SWI5: variants seen among roughly 807,000 people sequenced by gnomAD.
SWI5 encodes the protein SWI5 homologous recombination repair protein.
A neutral mutation model predicts 17.0 loss-of-function variants in SWI5; 12 were observed. The ratio of observed to expected loss-of-function variants is 0.71; its 90% CI spans 0.45 to 1.14. The LOEUF is 1.14. Ranked by LOEUF, SWI5 falls within the 50% of genes most tolerant of loss-of-function variation. SWI5 has a pLI of 0.00. For missense variants in SWI5, 158 were observed against 162.2 expected, an observed-to-expected ratio of 0.97 and a Z score of 0.14; for synonymous variants, 61 against 64.0, an observed-to-expected ratio of 0.95 and a Z score of 0.22.
intron 4 of SWI5, among the ~76,000 whole-genome samples, chr9:128,287,675 C>A (rs891582275): frequency 1.3e-5 from 2 of 149,772 alleles, no homozygotes; most frequent in African/African-American, 4.9e-5. Flanking sequence ...GATTCTAGTG[C>A]CTCAGCCTCC....
upstream of SWI5, chr9:128,276,156 G>T: frequency 2.6e-6 from 4 of 1,568,422 alleles, no homozygotes; most frequent in South Asian, 2.3e-5. Context: ...ATGCAGCGGC[G>T]TGGCCAGAGG....
rs1266844249 is a variant in SWI5, at chr9:128,277,995, C to G, written c.111+1240C>G. 2.7e-5 allele frequency among the ~76,000 whole-genome samples: 4 copies of G among 145,830 alleles called. No homozygotes were observed. In the South Asian group the frequency reaches 6.5e-4, roughly 24 times the overall value. On this transcript the variant is annotated intron_variant, in intron 2 of 4. Coordinates refer to ENST00000418976, the Ensembl canonical transcript of SWI5. ...TGAGACACAGTCGCACTCTGTCGCC[C>G]GGGCTGGAGTGCAATGGTGCGATCT...
chr9:128,278,290 C>G (rs777403174), intron 2 of SWI5, among the ~76,000 whole-genome samples: 1 of 151,942 alleles, frequency 6.6e-6, no homozygotes, highest in Non-Finnish European at 1.5e-5. Flanking sequence ...AACGCTCGAC[C>G]CGGCACAGTG....
At chr9:128,286,213 G>C in intron 4 of SWI5, 180 bp downstream of exon 4, 1 of 573,012 alleles carries the variant, frequency 1.7e-6, no homozygotes, top group Non-Finnish European at 3.1e-6. Flanking sequence ...TGGCCACCTA[G>C]GTTTGTTCCT....
intron 2 of SWI5, among the ~76,000 whole-genome samples, chr9:128,279,675 ACCATTGAAGCACAGCC>A (rs1831502593): frequency 6.6e-6 from 1 of 152,220 alleles, no homozygotes; most frequent in African/African-American, 2.4e-5. Flanking sequence ...AAGGAGCGTG[ACCATTGAAGCACAGCC>A]CCACAGGGAG....
chr9:128,280,704 A>C (rs1364524038), intron 2 of SWI5, among the ~76,000 whole-genome samples: 2 of 152,032 alleles, frequency 1.3e-5, no homozygotes, highest in African/African-American at 4.8e-5. Context: ...TTTTTAGTAG[A>C]GACGGGGTTT....
exon 1 of SWI5, chr9:128,276,297 T>C (rs569075444): frequency 6.2e-7 from 1 of 1,612,444 alleles, no homozygotes; most frequent in East Asian, 2.2e-5. Flanking sequence ...CGGGTCAGAG[T>C]TCCTGGCCCG....
chr9:128,275,662 G>T (rs560396838), upstream of SWI5, among the ~76,000 whole-genome samples: 3 of 152,242 alleles, frequency 2.0e-5, no homozygotes, highest in South Asian at 6.2e-4. Context: ...AGTCTGGAGC[G>T]GGGAGCCCCG....
At chr9:128,279,770 A>G (rs904834523) in intron 2 of SWI5, among the ~76,000 whole-genome samples, 4 of 152,128 alleles carry the variant, frequency 2.6e-5, no homozygotes, top group African/African-American at 9.7e-5. Flanking sequence ...AAGCTGGTGG[A>G]GCAGAGTGTT....
At chr9:128,276,031 G>T (rs1588498016), upstream of SWI5, 9 of 1,590,818 alleles carry the variant, frequency 5.7e-6, no homozygotes, top group Non-Finnish European at 7.7e-6. Flanking sequence ...GCAGCTGTGC[G>T]ACGGAGCCAG....
intron 2 of SWI5, among the ~76,000 whole-genome samples, chr9:128,282,448 G>A (rs1831555586): frequency 6.6e-6 from 1 of 152,158 alleles, no homozygotes; most frequent in Non-Finnish European, 1.5e-5. Flanking sequence ...GATAGTGAGT[G>A]ATTGAGATGT....
rs138384557 is a variant in SWI5, at chr9:128,279,809, C to T, written c.111+3054C>T. Among the ~76,000 whole-genome samples the T allele has an allele frequency of 3.8e-3, 581 of 152,220 alleles. 21 individuals are homozygous for T. The East Asian group carries it at 0.089, about 23-fold the overall frequency. ...TGACTCCTCCAAGGAAAGGAGACTC[C>T]CTTTCACGGTCTGCTAGGTAACGGG... On this transcript the variant is annotated intron_variant, in intron 2 of 4. Coordinates refer to ENST00000418976, the Ensembl canonical transcript of SWI5.
chr9:128,275,981 G>A (rs781640307), upstream of SWI5: 1 of 1,599,190 alleles, frequency 6.3e-7, no homozygotes, highest in Non-Finnish European at 8.5e-7. Flanking sequence ...CCACATCAGC[G>A]CGATCCCGGC....
intron 2 of SWI5, among the ~76,000 whole-genome samples, chr9:128,277,545 C>A (rs1158270591): frequency 6.6e-6 from 1 of 152,158 alleles, no homozygotes; most frequent in Non-Finnish European, 1.5e-5. Flanking sequence ...CAGAGCTAGA[C>A]AAGTCTCAAA....
chr9:128,288,526 TG>T, intron 4 of SWI5, 125 bp from the exon 5 acceptor site: 1 of 946,856 alleles, frequency 1.1e-6, no homozygotes, highest in Non-Finnish European at 1.7e-6. Context: ...GGCACAAGTG[TG>T]GGGACTGGCT....
intron 4 of SWI5, chr9:128,286,530 G>C (rs1179830230): frequency 1.3e-5 from 2 of 157,810 alleles, no homozygotes; most frequent in East Asian, 3.7e-4. Context: ...GAAATGTGCA[G>C]GCGGCCCCTA....
chr9:128,285,262 G>A lies in SWI5; in HGVS notation c.233+631G>A, dbSNP rs1831618363. Among the ~76,000 whole-genome samples, 3 of 148,512 alleles carry A rather than the reference G, an allele frequency of 2.0e-5. No individual in the cohort carries two copies. In the Admixed American group the frequency reaches 2.2e-4, roughly 11 times the overall value. On this transcript the variant is annotated intron_variant, in intron 3 of 4. Transcript: ENST00000418976. This position sits in a 1 kb window ranked among gnomAD's most constrained non-coding sequence, Gnocchi z 4.8. ...GAAAGAAGGAAAGGGGGGAAGGAAA[G>A]GGAAGGAAGGAAGGGAAAGGAAGGA...
chr9:128,278,990 C>G (rs947324672), intron 2 of SWI5, among the ~76,000 whole-genome samples: 2 of 152,024 alleles, frequency 1.3e-5, no homozygotes, highest in Non-Finnish European at 2.9e-5. Context: ...AGGCTGGTCT[C>G]AAACTCCTGA....
At chr9:128,288,742 G>A in exon 5 of SWI5, 1 of 1,612,726 alleles carries the variant, frequency 6.2e-7, no homozygotes, top group Admixed American at 1.7e-5. Context: ...CTTGTCCACA[G>A]CTCCCAGGGA....
Sources: allele counts gnomAD v4.1 joint callset (sites outside exome capture counted in the v4.1 genomes callset), GRCh38; gene constraint gnomAD v4.1.1; non-coding constraint Gnocchi (gnomAD v3.1); transcripts MANE v1.5; gene names NCBI Gene and HGNC (gene_info 2026-07-23, HGNC 2026-07-21).